Variants in DEFB123 observed in about 807,000 individuals in gnomAD.
DEFB123 encodes the protein defensin beta 123.
For missense variants in DEFB123, 71 were observed against 75.0 expected (o/e 0.95, Z 0.20); for synonymous variants, 22 against 28.3 (o/e 0.78, Z 0.71).
intron 1 of DEFB123, among the ~76,000 whole-genome samples, chr20:31,442,250 G>T (rs1321255686): frequency 6.6e-6 from 1 of 152,200 alleles, no homozygotes; most frequent in Non-Finnish European, 1.5e-5. Context: ...AATAAGTGTT[G>T]AGTCTTTCAG....
At chr20:31,445,122 A>G (rs558565031) in intron 1 of DEFB123, among the ~76,000 whole-genome samples, 1 of 152,332 alleles carries the variant, frequency 6.6e-6, no homozygotes, top group Non-Finnish European at 1.5e-5. Context: ...ACTCAAGGTA[A>G]AATTCAATGT....
intron 1 of DEFB123, among the ~76,000 whole-genome samples, chr20:31,446,562 G>A (rs1389336437): frequency 6.6e-6 from 1 of 152,314 alleles, no homozygotes; most frequent in African/African-American, 2.4e-5. Flanking sequence ...ATTAACAAAC[G>A]CAGTTTCACA....
At chr20:31,449,223 T>C (rs113099098) in intron 1 of DEFB123, among the ~76,000 whole-genome samples, 5,364 of 152,006 alleles carry the variant, frequency 0.035, 332 homozygotes, top group African/African-American at 0.12. Flanking sequence ...TTTTTTTGTA[T>C]GCCTGAAAAA....
rs1224464428 is a variant in DEFB123, at chr20:31,450,150, A to G, written c.180A>G (p.Pro60=). ...GCTGCGTGAAGCCCAAGTACCAGCC[A>G]AAAGAAAGGTGGTGGCCATTTTAAC... The part of the protein sequence containing the change: ...KMCCVKPKYQ[P]KERWWPF Residue 60 remains proline, a synonymous_variant, in exon 2 of 2, where the codon CCA becomes CCG. Transcript: ENST00000376309. 1.9e-6 allele frequency: 3 copies of G among 1,607,122 alleles called. No homozygotes were observed. Among genetic ancestry groups the G allele is most frequent in the Non-Finnish European group, 2.5e-6 (3 of 1,177,682 alleles).
Position 31,440,741 on chromosome 20 carries a change from T to A in DEFB123, c.43T>A (p.Ser15Thr). ...LLTLTVLLLL[S>T]QLTPGGTQRC... ...GACTTTGACTGTGCTGCTGCTCTTATCCCAGCTGACTCCAGGTAACCTGAA... is the reference window on the plus strand; with the variant it reads ...GACTTTGACTGTGCTGCTGCTCTTAACCCAGCTGACTCCAGGTAACCTGAA... The change falls in exon 1 of 2, where the codon TCC (serine) becomes ACC (threonine). Residue 15 changes from serine (S) to threonine (T), a missense_variant. Ser to Thr is a moderately conservative substitution (Grantham distance 58, BLOSUM62 1). Transcript: ENST00000376309. The A allele has an allele frequency of 3.1e-6, 5 of 1,613,676 alleles. No individual in the cohort carries two copies. Among genetic ancestry groups the A allele is most frequent in the Non-Finnish European group, 4.2e-6 (5 of 1,180,030 alleles).
chr20:31,449,035 T>A (rs1039186554), intron 1 of DEFB123, among the ~76,000 whole-genome samples: 10 of 152,010 alleles, frequency 6.6e-5, no homozygotes, highest in Non-Finnish European at 1.3e-4. Context: ...GCCATGAATA[T>A]TTTTTACATC....
chr20:31,449,991 G>A (rs748544021), intron 1 of DEFB123, 38 bp from the exon 2 acceptor site: 218 of 1,579,374 alleles, frequency 1.4e-4, no homozygotes, highest in Non-Finnish European at 1.5e-4. Flanking sequence ...CTACTTGTTA[G>A]GACTGATACT....
chr20:31,447,366 T>C (rs1288858603), intron 1 of DEFB123, among the ~76,000 whole-genome samples: 2 of 152,216 alleles, frequency 1.3e-5, no homozygotes, highest in East Asian at 3.8e-4. Context: ...TTTACTCCTT[T>C]ATGTAGACAT....
chr20:31,441,109 C>T (rs1388441896), intron 1 of DEFB123, among the ~76,000 whole-genome samples: 1 of 152,186 alleles, frequency 6.6e-6, no homozygotes, highest in Non-Finnish European at 1.5e-5. Context: ...GTGAAGATCA[C>T]AGCTACCTTA....
At chr20:31,449,559 C>A (rs1979683066) in intron 1 of DEFB123, among the ~76,000 whole-genome samples, 1 of 151,978 alleles carries the variant, frequency 6.6e-6, no homozygotes, top group African/African-American at 2.4e-5. Flanking sequence ...TTTTCTCCCC[C>A]TCAGGCCTTT....
At chr20:31,445,304 A>T (rs909110660) in intron 1 of DEFB123, among the ~76,000 whole-genome samples, 2 of 152,234 alleles carry the variant, frequency 1.3e-5, no homozygotes, top group African/African-American at 4.8e-5. Flanking sequence ...TGATGCTCAA[A>T]GCCTAGATCC....
In DEFB123 at chr20:31,448,120, A is replaced by G. The variant is rs112616685; in HGVS notation, c.59-1909A>G. On this transcript the variant is annotated intron_variant, in intron 1 of 1. Transcript: ENST00000376309. ...TATTTTTTTGGAGAGACAGGGTCTC[A>G]CCTAGGCTGGTCTCAAACTCTTGGG... Among the ~76,000 whole-genome samples the G allele has an allele frequency of 6.2e-3, 934 of 151,778 alleles. 10 individuals carry two copies. Among genetic ancestry groups the G allele is most frequent in the African/African-American group, 0.021 (862 of 41,402 alleles).
intron 1 of DEFB123, among the ~76,000 whole-genome samples, chr20:31,446,752 C>G (rs1032430807): frequency 6.6e-6 from 1 of 152,162 alleles, no homozygotes; most frequent in Non-Finnish European, 1.5e-5. Context: ...ACTGTACTTC[C>G]ATTTCACCTC....
chr20:31,440,651 C>G lies in DEFB123; in HGVS notation c.-48C>G. ...CCAGGCACTCTCCTTCTCCCATTAG[C>G]TCAGCCGTGGCATCGGACTTGCAGC... On this transcript the variant is annotated 5_prime_UTR_variant, in exon 1 of 2. Coordinates refer to ENST00000376309, the MANE Select transcript of DEFB123 (RefSeq NM_153324.4). 2.5e-6 allele frequency: 4 copies of G among 1,611,296 alleles called. No individual in the cohort carries two copies. Among genetic ancestry groups the G allele is most frequent in the Non-Finnish European group, 3.4e-6 (4 of 1,178,784 alleles).
intron 1 of DEFB123, among the ~76,000 whole-genome samples, chr20:31,449,717 C>A (rs751335247): frequency 2.2e-5 from 3 of 135,442 alleles, no homozygotes; most frequent in Non-Finnish European, 4.5e-5. Context: ...TGCAGTGAGC[C>A]AGAATCATTC....
chr20:31,442,596 C>CT (rs397865886), intron 1 of DEFB123, among the ~76,000 whole-genome samples: 29,389 of 105,844 alleles, frequency 0.28, 5,824 homozygotes, highest in African/African-American at 0.55. Context: ...AGGTCATTTG[C>CT]TTTTTTTTTT....
chr20:31,446,465 C>G (rs921651638), intron 1 of DEFB123, among the ~76,000 whole-genome samples: 10 of 152,238 alleles, frequency 6.6e-5, no homozygotes, highest in Admixed American at 6.5e-5. Context: ...ATAACGTTTC[C>G]TTCTTGCCGA....
intron 1 of DEFB123, among the ~76,000 whole-genome samples, chr20:31,449,767 CAAAAAAA>C (rs59939526): frequency 1.9e-4 from 10 of 52,520 alleles, no homozygotes; most frequent in Admixed American, 1.3e-3. Flanking sequence ...AGACTCATCT[CAAAAAAA>C]AAAAAAAAAA....
chr20:31,449,916 AG>A (rs1248318701), intron 1 of DEFB123, 112 bp from the exon 2 acceptor site: 2 of 1,329,902 alleles, frequency 1.5e-6, no homozygotes, highest in South Asian at 1.7e-5. Context: ...GTCAAAGGCA[AG>A]GGAAACAAGG....
Sources: gnomAD v4.1 joint callset for allele counts (sites outside exome capture counted in the v4.1 genomes callset) on GRCh38, gnomAD v4.1.1 for gene constraint, MANE v1.5 for transcripts, NCBI Gene and HGNC (gene_info 2026-07-23, HGNC 2026-07-21) for gene names.